The following PTPRD variants were observed in gnomAD, a reference collection of about 807,000 sequenced individuals.
PTPRD encodes protein tyrosine phosphatase receptor type D, also known as receptor-type tyrosine-protein phosphatase delta.
PTPRD carries 34 observed loss-of-function variants against 214.5 expected under a neutral mutation model. The observed-to-expected ratio is 0.16, with a 90% confidence interval of 0.12 to 0.21. The LOEUF (loss-of-function observed/expected upper bound fraction) is 0.21, where lower values mean the gene tolerates loss of function less well. Among genes scored for constraint, PTPRD ranks in the 10% least tolerant of loss-of-function variants. The pLI is 1.00. For missense variants in PTPRD, 2,545 were observed against 2,398.7 expected, an observed-to-expected ratio of 1.06 and a Z score of -1.27; for synonymous variants, 1,128 against 845.7, an observed-to-expected ratio of 1.33 and a Z score of -5.79.
chr9:9,935,918 A>T (rs1393712603), intron 5 of PTPRD, among the ~76,000 whole-genome samples: 2 of 150,770 alleles, frequency 1.3e-5, no homozygotes, highest in Non-Finnish European at 3.0e-5. Context: ...CTCAGAAATA[A>T]TGCTGCATAT....
At chr9:9,989,642 C>G (rs1487042314) in intron 4 of PTPRD, among the ~76,000 whole-genome samples, 1 of 152,188 alleles carries the variant, frequency 6.6e-6, no homozygotes, top group Non-Finnish European at 1.5e-5. Context: ...CTCCTGGACA[C>G]TGGAAAAGGG....
intron 5 of PTPRD, among the ~76,000 whole-genome samples, chr9:9,912,526 C>T (rs2079495364): frequency 6.6e-6 from 1 of 152,096 alleles, no homozygotes; most frequent in Non-Finnish European, 1.5e-5. Flanking sequence ...ACATGTTTTG[C>T]CTCATCACTA....
chr9:10,119,987 C>T (rs56400026), intron 3 of PTPRD, among the ~76,000 whole-genome samples: 9,339 of 152,004 alleles, frequency 0.061, 369 homozygotes, highest in Admixed American at 0.1. Flanking sequence ...ATTGTACAAG[C>T]TACATAAATT....
At chr9:9,586,074 G>A (rs1488872110) in intron 7 of PTPRD, among the ~76,000 whole-genome samples, 1 of 152,012 alleles carries the variant, frequency 6.6e-6, no homozygotes, top group African/African-American at 2.4e-5. Flanking sequence ...TGAACCAATT[G>A]CAGAGGTTGT....
At chr9:8,501,819 G>A (rs1312980680) in intron 23 of PTPRD, among the ~76,000 whole-genome samples, 7 of 152,098 alleles carry the variant, frequency 4.6e-5, no homozygotes, top group Non-Finnish European at 8.8e-5. Flanking sequence ...CTTACCCTAC[G>A]TCAGCTTTCA....
At chr9:10,571,020 T>A (rs1485045931) in intron 2 of PTPRD, among the ~76,000 whole-genome samples, 2 of 152,162 alleles carry the variant, frequency 1.3e-5, no homozygotes, top group Non-Finnish European at 2.9e-5. Flanking sequence ...GCTGCTGGTT[T>A]TTGTGGCATT....
At chr9:10,393,287 T>G (rs548683209) in intron 2 of PTPRD, among the ~76,000 whole-genome samples, 1 of 150,534 alleles carries the variant, frequency 6.6e-6, no homozygotes, top group East Asian at 2.0e-4. Context: ...GTCTGCTATT[T>G]TGTGTGTGTG....
intron 8 of PTPRD, among the ~76,000 whole-genome samples, chr9:9,559,351 T>C (rs1196871795): frequency 6.6e-6 from 1 of 152,248 alleles, no homozygotes; most frequent in Non-Finnish European, 1.5e-5. Flanking sequence ...TGCTTCTCTA[T>C]TAATGAACAC....
chr9:10,019,301 A>G (rs2096793687), intron 4 of PTPRD, among the ~76,000 whole-genome samples: 1 of 152,198 alleles, frequency 6.6e-6, no homozygotes, highest in Non-Finnish European at 1.5e-5. Context: ...GGATGTGGAG[A>G]AATAGGAACA....
chr9:10,326,973 T>C (rs1289259346), intron 3 of PTPRD, among the ~76,000 whole-genome samples: 1 of 151,490 alleles, frequency 6.6e-6, no homozygotes, highest in African/African-American at 2.4e-5. Flanking sequence ...AGGAAACATC[T>C]GCACATCTGA....
intron 2 of PTPRD, among the ~76,000 whole-genome samples, chr9:10,497,004 G>A (rs1030664177): frequency 1.3e-5 from 2 of 151,954 alleles, no homozygotes; most frequent in African/African-American, 4.8e-5. Context: ...GCACCAACAT[G>A]GATGCAGATG....
At chr9:10,133,794 T>TTA (rs140871412) in intron 3 of PTPRD, among the ~76,000 whole-genome samples, 7,838 of 152,210 alleles carry the variant, frequency 0.051, 303 homozygotes, top group Admixed American at 0.1. Flanking sequence ...ATACTAACAT[T>TTA]TATTTGAAAA....
chr9:10,514,262 A>G lies in PTPRD; in HGVS notation c.-600+98136T>C, dbSNP rs1490009615. ...GATACTTCTAAACTCTGCATATTTA[A>G]TTTTTCTTTTATGTATTTTTTTTTA... On this transcript the variant is annotated intron_variant, in intron 2 of 45. Transcript: ENST00000381196. 2.0e-5 allele frequency among the ~76,000 whole-genome samples: 3 copies of G among 151,792 alleles called. No individual in the cohort carries two copies. In the East Asian group the frequency reaches 5.8e-4, roughly 29 times the overall value.
At chr9:10,478,360 G>T (rs960495964) in intron 2 of PTPRD, among the ~76,000 whole-genome samples, 2 of 152,006 alleles carry the variant, frequency 1.3e-5, no homozygotes, top group African/African-American at 4.8e-5. Flanking sequence ...GTGATTTTGG[G>T]CATATAATCT....
At chr9:10,409,896 G>A (rs2098416497) in intron 2 of PTPRD, among the ~76,000 whole-genome samples, 2 of 151,618 alleles carry the variant, frequency 1.3e-5, no homozygotes, top group East Asian at 3.9e-4. Context: ...CCCCATTCAA[G>A]CCTTCAGGTG....
At chr9:9,831,797 T>A (rs2054935669) in intron 5 of PTPRD, among the ~76,000 whole-genome samples, 1 of 152,076 alleles carries the variant, frequency 6.6e-6, no homozygotes, top group African/African-American at 2.4e-5. Flanking sequence ...TTCACCAAGG[T>A]GGAGGGATGT....
chr9:9,528,422 G>T (rs1481825709), intron 8 of PTPRD, among the ~76,000 whole-genome samples: 1 of 152,058 alleles, frequency 6.6e-6, no homozygotes, highest in Admixed American at 6.5e-5. Flanking sequence ...AGCTAAATTA[G>T]CTTGGTCTAA....
chr9:10,029,500 A>G (rs542289357), intron 4 of PTPRD, among the ~76,000 whole-genome samples: 1 of 152,340 alleles, frequency 6.6e-6, no homozygotes, highest in African/African-American at 2.4e-5. Context: ...TTCCATCAGC[A>G]TGACCAGGAT....
At chr9:9,501,508 C>T (rs2096413174) in intron 8 of PTPRD, among the ~76,000 whole-genome samples, 1 of 151,186 alleles carries the variant, frequency 6.6e-6, no homozygotes, top group Non-Finnish European at 1.5e-5. Context: ...GACAACTAGC[C>T]CCTCAAAAAA....
Sources: allele counts gnomAD v4.1 joint callset (sites outside exome capture counted in the v4.1 genomes callset), GRCh38; gene constraint gnomAD v4.1.1; transcripts MANE v1.5; gene names NCBI Gene and HGNC (gene_info 2026-07-23, HGNC 2026-07-21).